CSMD1: variants seen among roughly 807,000 people sequenced by gnomAD.
The protein encoded by CSMD1 is CUB and Sushi multiple domains 1.
In CSMD1, 213 loss-of-function variants were observed where a neutral mutation model predicts 417.5. That is an observed-to-expected ratio of 0.51 (90% CI 0.46 to 0.57). The LOEUF (loss-of-function observed/expected upper bound fraction) is 0.57, where lower values mean the gene tolerates loss of function less well. CSMD1 is among the 20% of genes least tolerant of loss of function. The probability of loss-of-function intolerance (pLI) is 0.00; values close to 1 mark genes in which losing one functional copy is unlikely to be tolerated. For missense variants in CSMD1, 6,923 were observed against 4,529.7 expected (o/e 1.53, Z -15.17); for synonymous variants, 2,862 against 1,736.8 (o/e 1.65, Z -16.11).
chr8:3,494,783 A>G (rs1181141843), intron 10 of CSMD1, among the ~76,000 whole-genome samples: 1 of 152,218 alleles, frequency 6.6e-6, no homozygotes, highest in African/African-American at 2.4e-5. Flanking sequence ...AACAGAAACC[A>G]TAATACTGGA....
chr8:4,898,592 T>C (rs1804658550), intron 1 of CSMD1, among the ~76,000 whole-genome samples: 1 of 152,216 alleles, frequency 6.6e-6, no homozygotes, highest in Non-Finnish European at 1.5e-5. Context: ...TCCTAGTTCT[T>C]TGAATGGCTA....
intron 1 of CSMD1, among the ~76,000 whole-genome samples, chr8:4,841,871 G>A (rs1222730108): frequency 1.6e-4 from 18 of 111,676 alleles, no homozygotes; most frequent in African/African-American, 6.1e-4. Context: ...AGATCGCACC[G>A]TTGCACTCTA....
chr8:4,102,914 G>A (rs1801379595), intron 3 of CSMD1, among the ~76,000 whole-genome samples: 1 of 152,094 alleles, frequency 6.6e-6, no homozygotes, highest in Admixed American at 6.6e-5. Flanking sequence ...GCTGAGTGCT[G>A]GAGTCACACA....
At chr8:4,327,606 G>A (rs546310217) in intron 3 of CSMD1, among the ~76,000 whole-genome samples, 1 of 152,060 alleles carries the variant, frequency 6.6e-6, no homozygotes, top group Non-Finnish European at 1.5e-5. Context: ...TACCAAGTCA[G>A]AAAGGGGAAA....
At position 2,998,170 on chromosome 8, in the gene CSMD1, GACC is replaced by G; in HGVS notation, c.8215_8217del (p.Gly2739del). 1 of 1,613,952 alleles carries G rather than the reference GACC, an allele frequency of 6.2e-7. No homozygotes were observed. Among genetic ancestry groups the G allele is most frequent in the Non-Finnish European group, 8.5e-7 (1 of 1,179,838 alleles). On this transcript the variant is annotated inframe_deletion, in exon 54 of 70. Transcript: ENST00000635120. ...AATCCGTGGGCAGGGTTTCCAGGGT[GACC>G]ACATGTGATGGCTGTAGAGAGACAG...
chr8:4,564,345 C>T (rs1285912657), intron 2 of CSMD1, among the ~76,000 whole-genome samples: 1 of 152,106 alleles, frequency 6.6e-6, no homozygotes, highest in South Asian at 2.1e-4. Context: ...GTCTAGGCTG[C>T]TATAAGAAAA....
intron 3 of CSMD1, among the ~76,000 whole-genome samples, chr8:4,050,545 T>G (rs946266180): frequency 3.3e-5 from 5 of 152,156 alleles, no homozygotes; most frequent in African/African-American, 1.2e-4. Context: ...AAGCATTTAT[T>G]CTTCATGTTA....
In CSMD1 at chr8:4,165,595, G is replaced by T. The variant is rs138096040; in HGVS notation, c.416-133496C>A. Among the ~76,000 whole-genome samples, 63 of 152,268 alleles carry T rather than the reference G, an allele frequency of 4.1e-4. No individual in the cohort carries two copies. In the East Asian group the frequency reaches 0.012, roughly 29 times the overall value. ...TTTTAAAGTTATTTGTAGAGACATG[G>T]TCTCACTATGTTGCCCAGGCTTGGC... On this transcript the variant is annotated intron_variant, in intron 3 of 69. Transcript: ENST00000635120.
At chr8:3,968,666 G>A (rs755676881) in intron 5 of CSMD1, among the ~76,000 whole-genome samples, 4 of 152,098 alleles carry the variant, frequency 2.6e-5, no homozygotes, top group African/African-American at 4.8e-5. Context: ...AATCCCGAAA[G>A]CTGATAGTGT....
chr8:3,067,803 T>G (rs1813042046), intron 49 of CSMD1, among the ~76,000 whole-genome samples: 1 of 152,020 alleles, frequency 6.6e-6, no homozygotes. Context: ...TGGTTCCATG[T>G]GCTGTAATTA....
chr8:3,807,437 A>G (rs757807816), intron 5 of CSMD1, among the ~76,000 whole-genome samples: 8 of 151,936 alleles, frequency 5.3e-5, no homozygotes, highest in Non-Finnish European at 2.9e-5. Flanking sequence ...TTTTTTTTAT[A>G]TGTGTAATGA....
chr8:3,843,418 T>C (rs78622671), intron 5 of CSMD1, among the ~76,000 whole-genome samples: 9 of 152,128 alleles, frequency 5.9e-5, no homozygotes, highest in Non-Finnish European at 1.2e-4. Context: ...AAAGTCAAAG[T>C]TGGTTTCAGA....
chr8:4,820,026 A>G (rs964138798), intron 1 of CSMD1, among the ~76,000 whole-genome samples: 1 of 152,108 alleles, frequency 6.6e-6, no homozygotes. Flanking sequence ...TAGGTCTCCA[A>G]TTCCATGCTT....
At chr8:3,594,028 G>T (rs1008202572) in intron 8 of CSMD1, among the ~76,000 whole-genome samples, 1 of 152,144 alleles carries the variant, frequency 6.6e-6, no homozygotes, top group Non-Finnish European at 1.5e-5. Flanking sequence ...ACAGAGTGAC[G>T]TTTGATTCAA....
chr8:3,406,153 G>C lies in CSMD1; in HGVS notation c.2140C>G (p.Leu714Val), dbSNP rs779750428. 6 of 1,613,600 alleles carry C rather than the reference G, an allele frequency of 3.7e-6. No individual in the cohort carries two copies. Among genetic ancestry groups the C allele is most frequent in the Non-Finnish European group, 5.1e-6 (6 of 1,179,798 alleles). ...INGRRFGDRF[L>V]LGSSVSFHCD... ...TGGAAAGAAACCGAGCTCCCGAGTA[G>C]AAACCTGTCACCAAAACGTCGTCCG... Residue 714 changes from leucine (L) to valine (V), a missense_variant, in exon 15 of 70, where the codon CTA becomes GTA. Physicochemically the swap from Leu to Val is conservative, Grantham distance 32. Transcript: ENST00000635120.
intron 3 of CSMD1, among the ~76,000 whole-genome samples, chr8:4,332,893 C>G (rs1799955818): frequency 6.7e-6 from 1 of 148,194 alleles, no homozygotes. Flanking sequence ...AAAAACAACA[C>G]AATGACTTGA....
At chr8:4,855,694 C>A (rs533990830) in intron 1 of CSMD1, among the ~76,000 whole-genome samples, 4 of 151,648 alleles carry the variant, frequency 2.6e-5, no homozygotes, top group Non-Finnish European at 5.9e-5. Context: ...TGAAATGAAG[C>A]GAGAAGGGAA....
intron 15 of CSMD1, among the ~76,000 whole-genome samples, chr8:3,400,335 CAAAT>C (rs1811961975): frequency 6.6e-6 from 1 of 151,806 alleles, no homozygotes; most frequent in African/African-American, 2.4e-5. Context: ...TTATAGATAT[CAAAT>C]AAAGTACGTG....
chr8:4,808,710 C>G (rs891491070), intron 1 of CSMD1, among the ~76,000 whole-genome samples: 1 of 152,170 alleles, frequency 6.6e-6, no homozygotes, highest in Non-Finnish European at 1.5e-5. Context: ...GTCGCTTGAA[C>G]ACGCCCACTC....
Sources: gnomAD v4.1 joint callset for allele counts (sites outside exome capture counted in the v4.1 genomes callset) on GRCh38, gnomAD v4.1.1 for gene constraint, MANE v1.5 for transcripts, NCBI Gene and HGNC (gene_info 2026-07-23, HGNC 2026-07-21) for gene names.